SLC35F4: variants seen among roughly 807,000 people sequenced by gnomAD.
SLC35F4 encodes chromosome 14 open reading frame 36.
A neutral mutation model predicts 44.2 loss-of-function variants in SLC35F4; 24 were observed. That is an observed-to-expected ratio of 0.54 (90% CI 0.39 to 0.76). SLC35F4 has a LOEUF of 0.76. SLC35F4 is among the 30% of genes least tolerant of loss of function. The pLI is 0.00. For missense variants in SLC35F4, 562 were observed against 586.1 expected (o/e 0.96, Z 0.42); for synonymous variants, 238 against 223.6 (o/e 1.06, Z -0.57).
chr14:57,571,984 G>A lies in SLC35F4; in HGVS notation c.843C>T (p.Val281=). 2 of 1,611,576 alleles carry A rather than the reference G, an allele frequency of 1.2e-6. No individual in the cohort carries two copies. The highest frequency in any genetic ancestry group is 1.7e-6 in the Non-Finnish European group (2 of 1,178,758). Residue 281 remains valine (V), a synonymous_variant, in exon 5 of 8, where the codon GTC becomes GTT. Coordinates refer to ENST00000556826, the MANE Select transcript of SLC35F4 (RefSeq NM_001306087.2). ...GGAAATTATCTGCATATGCCATCATGACAATGCCGGTAATTGCCATTATTG... is the reference window on the plus strand; with the variant it reads ...GGAAATTATCTGCATATGCCATCATAACAATGCCGGTAATTGCCATTATTG... ...VAAIMAITGI[V]MMAYADNFHA...
At chr14:57,648,549 A>C (rs80052029) in intron 1 of SLC35F4, among the ~76,000 whole-genome samples, 20,185 of 152,178 alleles carry the variant, frequency 0.13, 1,577 homozygotes, top group East Asian at 0.22. Context: ...GTGAATTACT[A>C]GTGGCTGTTT....
At chr14:57,731,207 C>A (rs1274721520) in intron 1 of SLC35F4, among the ~76,000 whole-genome samples, 1 of 152,118 alleles carries the variant, frequency 6.6e-6, no homozygotes, top group Non-Finnish European at 1.5e-5. Context: ...ACAAGACACA[C>A]TAAAGGTGGG....
At chr14:57,844,067 C>A (rs540380595) in intron 1 of SLC35F4, among the ~76,000 whole-genome samples, 3 of 151,960 alleles carry the variant, frequency 2.0e-5, no homozygotes, top group Non-Finnish European at 4.4e-5. Flanking sequence ...AGATAGAAAT[C>A]GTAGGAAAAA....
At chr14:57,596,864 G>A (rs2070523969) in intron 1 of SLC35F4, 1 of 1,367,604 alleles carries the variant, frequency 7.3e-7, no homozygotes, top group African/African-American at 1.5e-5. Flanking sequence ...CCACTGGTCA[G>A]TTTGTGGAAG....
At chr14:57,630,228 TATG>T in intron 1 of SLC35F4, 12 of 559,644 alleles carry the variant, frequency 2.1e-5, no homozygotes, top group East Asian at 8.3e-5. Flanking sequence ...TTCTTCATGC[TATG>T]ATGATGATGA....
intron 1 of SLC35F4, among the ~76,000 whole-genome samples, chr14:57,966,975 G>A (rs970020082): frequency 4.0e-5 from 6 of 150,794 alleles, no homozygotes; most frequent in Non-Finnish European, 7.4e-5. Context: ...GCGCCTCTGC[G>A]TTCCAGCCTG....
intron 1 of SLC35F4, among the ~76,000 whole-genome samples, chr14:57,818,482 T>C (rs1194210444): frequency 6.6e-6 from 1 of 152,170 alleles, no homozygotes; most frequent in African/African-American, 2.4e-5. Context: ...TGGGAGCTAT[T>C]GACCCTTGTT....
chr14:57,907,863 G>A (rs147466747), intron 1 of SLC35F4, among the ~76,000 whole-genome samples: 3 of 151,866 alleles, frequency 2.0e-5, no homozygotes, highest in African/African-American at 7.3e-5. Context: ...TGTACAGAAC[G>A]TGCAGGGTTG....
chr14:57,979,571 A>G (rs943460884), intron 1 of SLC35F4, among the ~76,000 whole-genome samples: 3 of 152,182 alleles, frequency 2.0e-5, no homozygotes, highest in Non-Finnish European at 2.9e-5. Context: ...AAGAATACTC[A>G]GCTTTCATGC....
rs77505223 is a variant in SLC35F4 at position 57,735,124 on chromosome 14, T to C, written c.103+130599A>G. On this transcript the variant is annotated intron_variant, in intron 1 of 7. Coordinates refer to ENST00000556826, the MANE Select transcript of SLC35F4 (RefSeq NM_001306087.2). ...AGGATGAGGCATTTGAGAGTCTCTC[T>C]GGATTTTCCCACTTATGATACTTAG... Among the ~76,000 whole-genome samples the C allele has an allele frequency of 3.7e-3, 571 of 152,322 alleles. 8 individuals are homozygous for C. The highest frequency in any genetic ancestry group is 0.013 in the African/African-American group (551 of 41,574).
At chr14:57,967,268 T>C (rs1880901902) in intron 1 of SLC35F4, among the ~76,000 whole-genome samples, 2 of 152,168 alleles carry the variant, frequency 1.3e-5, no homozygotes, top group South Asian at 4.1e-4. Context: ...ATACATCATA[T>C]AAAATAAAAA....
At chr14:57,639,214 CAA>C (rs1374843569) in intron 1 of SLC35F4, among the ~76,000 whole-genome samples, 3 of 152,054 alleles carry the variant, frequency 2.0e-5, no homozygotes, top group African/African-American at 7.2e-5. Flanking sequence ...TCTGAGCTGA[CAA>C]GAGATAAAGA....
chr14:57,797,269 T>G (rs1284207946), intron 1 of SLC35F4, among the ~76,000 whole-genome samples: 1 of 152,184 alleles, frequency 6.6e-6, no homozygotes, highest in Non-Finnish European at 1.5e-5. Flanking sequence ...CGGGCAGGAT[T>G]CATTCATGTT....
intron 1 of SLC35F4, chr14:57,630,897 C>A: frequency 1.1e-6 from 1 of 873,548 alleles, no homozygotes; most frequent in Non-Finnish European, 1.4e-6. Flanking sequence ...TGAGCAGCCA[C>A]CAATTTGTGG....
At position 57,572,711 on chromosome 14, in the gene SLC35F4, T is replaced by G. The variant is rs561553235; in HGVS notation, c.808-692A>C. Among the ~76,000 whole-genome samples, 8 of 152,338 alleles carry G rather than the reference T, an allele frequency of 5.3e-5. No homozygotes were observed. In the South Asian group the frequency reaches 1.7e-3, roughly 32 times the overall value. On this transcript the variant is annotated intron_variant, in intron 4 of 7. Coordinates refer to ENST00000556826, the MANE Select transcript of SLC35F4 (RefSeq NM_001306087.2). ...CATTTAATTACTCTAGAGCATTAACTGCATAAAGTGAAATATTCATAATTC... is the reference window on the plus strand; with the variant it reads ...CATTTAATTACTCTAGAGCATTAACGGCATAAAGTGAAATATTCATAATTC...
intron 1 of SLC35F4, among the ~76,000 whole-genome samples, chr14:57,784,696 C>A (rs1343179069): frequency 6.6e-6 from 1 of 152,060 alleles, no homozygotes; most frequent in Non-Finnish European, 1.5e-5. Flanking sequence ...AAACAAGAAA[C>A]ATTTTTAGGG....
chr14:57,833,687 C>A (rs1434944527), intron 1 of SLC35F4, among the ~76,000 whole-genome samples: 1 of 152,198 alleles, frequency 6.6e-6, no homozygotes, highest in East Asian at 1.9e-4. Context: ...ATACAGACTC[C>A]AGCCATGGCC....
intron 1 of SLC35F4, among the ~76,000 whole-genome samples, chr14:57,812,821 T>G (rs1304806797): frequency 2.6e-5 from 4 of 152,164 alleles, no homozygotes; most frequent in Non-Finnish European, 2.9e-5. Flanking sequence ...ACATGTACAG[T>G]ATAATCCTAT....
At chr14:57,836,667 C>T (rs1450397749) in intron 1 of SLC35F4, among the ~76,000 whole-genome samples, 1 of 152,030 alleles carries the variant, frequency 6.6e-6, no homozygotes, top group East Asian at 1.9e-4. Context: ...TATAATTAAT[C>T]TACATGTACT....
Sources: gnomAD v4.1 joint callset for allele counts (sites outside exome capture counted in the v4.1 genomes callset) on GRCh38, gnomAD v4.1.1 for gene constraint, MANE v1.5 for transcripts, NCBI Gene and HGNC (gene_info 2026-07-23, HGNC 2026-07-21) for gene names.